ASPHD2: variants seen among roughly 807,000 people sequenced by gnomAD.
The protein encoded by ASPHD2 is aspartate beta-hydroxylase domain containing 2, also known as aspartate beta-hydroxylase domain-containing protein 2.
Under a neutral mutation model 34.6 loss-of-function variants are expected in ASPHD2, and 12 were observed. The ratio of observed to expected loss-of-function variants is 0.35; its 90% CI spans 0.22 to 0.56. The LOEUF (loss-of-function observed/expected upper bound fraction) is 0.56. Ranked by LOEUF, ASPHD2 falls within the 20% of genes least tolerant of loss-of-function variation. The pLI is 0.87. For synonymous variants in ASPHD2, 224 were observed against 212.2 expected, an observed-to-expected ratio of 1.06 and a Z score of -0.48; for missense variants, 375 against 505.0, an observed-to-expected ratio of 0.74 and a Z score of 2.47.
At position 26,433,626 on chromosome 22, in the gene ASPHD2, C is replaced by T. The variant is rs368910914; in HGVS notation, c.11C>T (p.Ala4Val). 2.4e-4 allele frequency: 384 copies of T among 1,613,372 alleles called. 4 individuals carry two copies. The African/African-American group carries it at 2.9e-3, about 12-fold the overall frequency. ...CCCACGCTAATCTGCATGGTGTGGG[C>T]GCCCTTGGGACCCCCGAGGACTGAT... is the stretch of plus-strand genomic sequence containing the variant. MVWAPLGPPRTDCL... is the reference protein window; with the variant it reads MVWVPLGPPRTDCL... The change falls in exon 2 of 4, where the codon GCG (alanine) becomes GTG (valine). Residue 4 changes from alanine to valine, a missense_variant. By Grantham distance (64) the Ala-to-Val change is moderately conservative. Transcript: ENST00000215906. The surrounding 1 kb of genome is among the most constrained non-coding windows in gnomAD (Gnocchi z 5.1).
Position 26,440,831 on chromosome 22 carries a change from A to G in ASPHD2, c.887-1628A>G, listed in dbSNP as rs955502263. The stretch of plus-strand genomic sequence containing the variant: ...CTTTGATTTTTTAATCGCAACTGAG[A>G]TAGTCCTAGAGGGGAGACTACAGTA... On this transcript the variant is annotated intron_variant, in intron 2 of 3. Transcript: ENST00000215906. 7.6e-4 allele frequency among the ~76,000 whole-genome samples: 116 copies of G among 152,368 alleles called. 2 individuals are homozygous for G. The Middle Eastern group carries it at 0.01, about 13-fold the overall frequency.
chr22:26,442,730 T>C (rs2084859853), intron 3 of ASPHD2, among the ~76,000 whole-genome samples, 158 bp downstream of exon 3: 1 of 152,188 alleles, frequency 6.6e-6, no homozygotes, highest in South Asian at 2.1e-4. Flanking sequence ...GATGCGTTAT[T>C]ATTACCTAAA....
chr22:26,433,826 T>A lies in ASPHD2; in HGVS notation c.211T>A (p.Phe71Ile). The A allele has an allele frequency of 6.2e-7, 1 of 1,614,014 alleles. No homozygotes were observed. Among genetic ancestry groups the A allele is most frequent in the Non-Finnish European group, 8.5e-7 (1 of 1,180,028 alleles). ...VITVACLLVL[F>I]VWYCYHVGRE... The stretch of plus-strand genomic sequence containing the variant: ...CACTGTGGCCTGCCTCCTGGTCCTC[T>A]TCGTGTGGTACTGTTATCACGTGGG... The change falls in exon 2 of 4, where the codon TTC (phenylalanine) becomes ATC (isoleucine). Residue 71 changes from phenylalanine (F) to isoleucine (I), a missense_variant. By Grantham distance (21) the Phe-to-Ile change is conservative. Around this residue, in one of 3 missense-constraint regions of ASPHD2, gnomAD observed 223 missense variants for 257.8 expected, o/e 0.87. Coordinates refer to ENST00000215906, the MANE Select transcript of ASPHD2 (RefSeq NM_020437.5). This position sits in a 1 kb window ranked among gnomAD's most constrained non-coding sequence, Gnocchi z 5.1.
intron 2 of ASPHD2, among the ~76,000 whole-genome samples, chr22:26,436,224 G>T (rs141290093): frequency 6.6e-6 from 1 of 152,190 alleles, no homozygotes; most frequent in Non-Finnish European, 1.5e-5. Context: ...TTAAGCCTCC[G>T]TTTTATCTTC....
chr22:26,435,369 G>T (rs1399510781), intron 2 of ASPHD2, among the ~76,000 whole-genome samples: 2 of 150,450 alleles, frequency 1.3e-5, no homozygotes, highest in Non-Finnish European at 3.0e-5. Context: ...CTTATTCCTG[G>T]TGAGTGGCGA....
At chr22:26,436,605 C>G (rs2084793662) in intron 2 of ASPHD2, among the ~76,000 whole-genome samples, 1 of 152,174 alleles carries the variant, frequency 6.6e-6, no homozygotes, top group Non-Finnish European at 1.5e-5. Context: ...CTCAGAGGCC[C>G]TTGATGCCAG....
At chr22:26,440,992 T>C (rs2084832393) in intron 2 of ASPHD2, among the ~76,000 whole-genome samples, 1 of 152,194 alleles carries the variant, frequency 6.6e-6, no homozygotes, top group African/African-American at 2.4e-5. Context: ...CCAGAATAGA[T>C]GAAGCCAATG....
rs564965298 is a variant in ASPHD2, at chr22:26,440,289, C to T, written c.887-2170C>T. ...GACCCCACTGGCCGGTTGAAGCATA[C>T]GGCTTATTTTTTATTTTTTATTTTT... On this transcript the variant is annotated intron_variant, in intron 2 of 3. Transcript: ENST00000215906. Among the ~76,000 whole-genome samples, 10 of 152,060 alleles carry T rather than the reference C, an allele frequency of 6.6e-5. No homozygotes were observed. The South Asian group carries it at 1.2e-3, about 19-fold the overall frequency.
Position 26,433,558 on chromosome 22 carries a change from CGGT to C in ASPHD2, c.-55_-53del. 2.4e-6 allele frequency: 3 copies of C among 1,258,006 alleles called. No individual in the cohort carries two copies. 77.9% of individuals were successfully genotyped at this position (1,258,006 alleles called of 1,614,324 possible). A position where few individuals can be genotyped will look rare whatever the true frequency, so the allele number is the denominator to read the frequency against. Reference sequence around the variant, plus strand: ...GCCGCCCCTGGCAGTATCTGAGGATCGGTGGCAGCCATGCCTCCCCCTGCCCCA... The same window carrying C: ...GCCGCCCCTGGCAGTATCTGAGGATCGGCAGCCATGCCTCCCCCTGCCCCA... On this transcript the variant is annotated 5_prime_UTR_variant, in exon 2 of 4. Transcript: ENST00000215906. This position sits in a 1 kb window ranked among gnomAD's most constrained non-coding sequence, Gnocchi z 5.1.
At chr22:26,440,832 T>C (rs1330468068) in intron 2 of ASPHD2, among the ~76,000 whole-genome samples, 2 of 152,330 alleles carry the variant, frequency 1.3e-5, no homozygotes, top group African/African-American at 4.8e-5. Context: ...GCAACTGAGA[T>C]AGTCCTAGAG....
intron 1 of ASPHD2, among the ~76,000 whole-genome samples, chr22:26,431,935 C>T (rs142899808): frequency 0.043 from 6,608 of 152,320 alleles, 480 homozygotes; most frequent in African/African-American, 0.15. Context: ...GTGGCTCACG[C>T]CTGTAATCCC....
intron 3 of ASPHD2, among the ~76,000 whole-genome samples, chr22:26,442,865 T>A (rs914925823): frequency 6.6e-6 from 1 of 152,104 alleles, no homozygotes; most frequent in Admixed American, 6.5e-5. Flanking sequence ...GCCGTAAAAA[T>A]TCCCACTTAA....
intron 2 of ASPHD2, among the ~76,000 whole-genome samples, chr22:26,438,582 C>CACAT (rs2084813093): frequency 7.3e-6 from 1 of 137,748 alleles, no homozygotes; most frequent in Non-Finnish European, 1.5e-5. Context: ...CATATATATA[C>CACAT]ATACATATAT....
rs554939980 is a variant in ASPHD2, at chr22:26,444,312, T to C, written c.*1106T>C. The stretch of plus-strand genomic sequence containing the variant: ...AGTGGAAGAGTTGGCCCTGTGTCTT[T>C]GTCATGGCACAAAGGTGTGCACTGC... On this transcript the variant is annotated 3_prime_UTR_variant, in exon 4 of 4. Coordinates refer to ENST00000215906, the MANE Select transcript of ASPHD2 (RefSeq NM_020437.5). 1.3e-5 allele frequency: 2 copies of C among 152,316 alleles called. No individual in the cohort carries two copies. Among genetic ancestry groups the C allele is most frequent in the South Asian group, 2.1e-4 (1 of 4,828 alleles). 9.4% of individuals were successfully genotyped at this position (152,316 alleles called of 1,614,324 possible).
intron 2 of ASPHD2, among the ~76,000 whole-genome samples, chr22:26,438,573 A>G (rs1465054538): frequency 2.6e-5 from 2 of 76,660 alleles, no homozygotes; most frequent in African/African-American, 7.8e-5. Flanking sequence ...ATACACATAC[A>G]TATATATACA....
chr22:26,438,550 TACAC>T (rs554125567), intron 2 of ASPHD2, among the ~76,000 whole-genome samples: 2,516 of 136,338 alleles, frequency 0.018, 77 homozygotes, highest in Non-Finnish European at 0.027. Context: ...CATACATATA[TACAC>T]ATACATATAT....
Position 26,433,528 on chromosome 22 carries a change from T to C in ASPHD2, c.-88T>C. The C allele has an allele frequency of 9.9e-7, 1 of 1,015,018 alleles. No individual in the cohort carries two copies. The highest frequency in any genetic ancestry group is 2.5e-5 in the Admixed American group (1 of 40,014). 62.9% of individuals were successfully genotyped at this position (1,015,018 alleles called of 1,614,324 possible). On this transcript the variant is annotated 5_prime_UTR_variant, in exon 2 of 4. Transcript: ENST00000215906. This position sits in a 1 kb window ranked among gnomAD's most constrained non-coding sequence, Gnocchi z 5.1. ...TGGGCACGGCCAACCTTGTCGTTCA[T>C]CAATGCCGCCCCTGGCAGTATCTGA...
At chr22:26,432,726 G>C (rs1204326351) in intron 1 of ASPHD2, among the ~76,000 whole-genome samples, 1 of 152,214 alleles carries the variant, frequency 6.6e-6, no homozygotes, top group East Asian at 1.9e-4. Context: ...CCCTATGGGT[G>C]AGACCATAGG....
At chr22:26,430,918 G>A (rs1040906302) in intron 1 of ASPHD2, among the ~76,000 whole-genome samples, 5 of 152,204 alleles carry the variant, frequency 3.3e-5, no homozygotes, top group Non-Finnish European at 7.3e-5. Flanking sequence ...GCTTTCCTGA[G>A]AAGAGTACAG....
Sources: allele counts gnomAD v4.1 joint callset (sites outside exome capture counted in the v4.1 genomes callset), GRCh38; gene constraint gnomAD v4.1.1; regional missense constraint gnomAD v4.1.1; non-coding constraint Gnocchi (gnomAD v3.1); transcripts MANE v1.5; gene names NCBI Gene and HGNC (gene_info 2026-07-23, HGNC 2026-07-21).